Variants in TBC1D10A observed in about 807,000 individuals in gnomAD.
The protein encoded by TBC1D10A is TBC1 domain family member 10A.
Under a neutral mutation model 52.9 loss-of-function variants are expected in TBC1D10A, and 24 were observed. The observed-to-expected ratio is 0.45, with a 90% CI of 0.33 to 0.64. The LOEUF (loss-of-function observed/expected upper bound fraction) is 0.64. Ranked by LOEUF, TBC1D10A falls within the 30% of genes least tolerant of loss-of-function variation. The pLI, the probability that TBC1D10A is intolerant of heterozygous loss-of-function variation, is 0.02. For synonymous variants in TBC1D10A, 278 were observed against 282.9 expected (o/e 0.98, Z 0.17); for missense variants, 602 against 687.9 (o/e 0.88, Z 1.40).
In TBC1D10A at chr22:30,295,820, G is replaced by T; in HGVS notation, c.441C>A (p.Asp147Glu). The T allele has an allele frequency of 6.2e-7, 1 of 1,613,858 alleles. No individual in the cohort carries two copies. Among genetic ancestry groups the T allele is most frequent in the Non-Finnish European group, 8.5e-7 (1 of 1,179,966 alleles). The change falls in exon 4 of 9, where the codon GAC becomes GAA. Residue 147 changes from aspartate to glutamate, a missense_variant. Transcript: ENST00000215790. Reference protein sequence around the residue: ...KFDELDMSPGDPKWLDVIERD... With the variant: ...KFDELDMSPGEPKWLDVIERD... ...GCTCAATCACGTCCAGCCACTTGGG[G>T]TCCCCAGGGGACATGTCCAGCTCCT...
At chr22:30,312,209 G>A (rs1281821837) in intron 1 of TBC1D10A, among the ~76,000 whole-genome samples, 1 of 152,138 alleles carries the variant, frequency 6.6e-6, no homozygotes, top group Admixed American at 6.5e-5. Context: ...CTCACTGCAG[G>A]CACCCAGGGG....
At chr22:30,307,366 C>A (rs1230846705) in intron 1 of TBC1D10A, among the ~76,000 whole-genome samples, 1 of 152,194 alleles carries the variant, frequency 6.6e-6, no homozygotes, top group Non-Finnish European at 1.5e-5. Context: ...TCTTTTGGCT[C>A]AGCCACTGCT....
intron 1 of TBC1D10A, among the ~76,000 whole-genome samples, chr22:30,312,083 G>A (rs1052352918): frequency 2.0e-5 from 3 of 152,220 alleles, no homozygotes. Flanking sequence ...ATTAGTGACT[G>A]AGTGCCGCCT....
intron 1 of TBC1D10A, among the ~76,000 whole-genome samples, chr22:30,319,160 TG>T (rs1326497524): frequency 6.6e-6 from 1 of 152,246 alleles, no homozygotes; most frequent in Non-Finnish European, 1.5e-5. Context: ...TGGACTGCCC[TG>T]CTTTGCCTCT....
intron 1 of TBC1D10A, among the ~76,000 whole-genome samples, chr22:30,324,732 T>C (rs1930730421): frequency 6.6e-6 from 1 of 152,212 alleles, no homozygotes; most frequent in African/African-American, 2.4e-5. Flanking sequence ...TCACGTATCA[T>C]ATACTCATTT....
intron 1 of TBC1D10A, among the ~76,000 whole-genome samples, chr22:30,324,748 C>T (rs1307874573): frequency 6.6e-6 from 1 of 152,150 alleles, no homozygotes; most frequent in African/African-American, 2.4e-5. Flanking sequence ...CATTTAACCC[C>T]CAGAGTAATG....
intron 3 of TBC1D10A, chr22:30,298,071 C>G (rs1223935581): frequency 6.6e-6 from 1 of 152,300 alleles, no homozygotes; most frequent in African/African-American, 2.4e-5. Flanking sequence ...AAGCACAGCT[C>G]TACACACACA....
Position 30,326,722 on chromosome 22 carries a change from G to A in TBC1D10A, c.160C>T (p.Arg54Cys), listed in dbSNP as rs754909230. The A allele has an allele frequency of 1.2e-5, 18 of 1,542,362 alleles. No individual in the cohort carries two copies. Among genetic ancestry groups the A allele is most frequent in the Admixed American group, 7.7e-5 (4 of 52,214 alleles). ...ACGATGAAGCCGAACTTGTCGATGC[G>A]GCGCTCGGCGAAGCCGTTGGCCTCC... ...DSEANGFAER[R>C]IDKFGFIVGS... is the part of the protein sequence containing the mutation. The change falls in exon 1 of 9, where the codon CGC becomes TGC. Residue 54 changes from arginine (R) to cysteine (C), a missense_variant. Coordinates refer to ENST00000215790, the MANE Select transcript of TBC1D10A (RefSeq NM_031937.3).
chr22:30,319,042 C>T lies in TBC1D10A; in HGVS notation c.209+7631G>A, dbSNP rs117762815. On this transcript the variant is annotated intron_variant, in intron 1 of 8. Coordinates refer to ENST00000215790, the MANE Select transcript of TBC1D10A (RefSeq NM_031937.3). ...TTCTACTGCCTCCCGTTCTTCTTGT[C>T]GTATCATCCTACTGCCTCCCGTTCT... 1.6e-4 allele frequency among the ~76,000 whole-genome samples: 24 copies of T among 152,268 alleles called. No homozygotes were observed. The East Asian group carries it at 4.4e-3, about 28-fold the overall frequency.
At chr22:30,293,344 A>C (rs995266195) in intron 8 of TBC1D10A, 2 of 646,890 alleles carry the variant, frequency 3.1e-6, no homozygotes, top group Non-Finnish European at 5.9e-6. Flanking sequence ...TCCATAAAGA[A>C]AGAACAAAGA....
chr22:30,301,835 G>A lies in TBC1D10A; in HGVS notation c.310-2284C>T, dbSNP rs1041557216. Among the ~76,000 whole-genome samples, 3 of 152,228 alleles carry A rather than the reference G, an allele frequency of 2.0e-5. No individual in the cohort carries two copies. In the South Asian group the frequency reaches 6.2e-4, roughly 32 times the overall value. On this transcript the variant is annotated intron_variant, in intron 2 of 8. Coordinates refer to ENST00000215790, the MANE Select transcript of TBC1D10A (RefSeq NM_031937.3). ...GTGCCAAGTGAGAGCTTCTGGGACT[G>A]CCTAGAAAGGAGGCAGAGGAAGGGG...
intron 1 of TBC1D10A, among the ~76,000 whole-genome samples, chr22:30,325,251 G>A (rs531635428): frequency 1.0e-3 from 153 of 152,346 alleles, no homozygotes; most frequent in Non-Finnish European, 1.6e-3. Flanking sequence ...TGGGTGAGAG[G>A]GAACTCCCCT....
At position 30,297,579 on chromosome 22, in the gene TBC1D10A, TGAGG is replaced by T. The variant is rs1930109131; in HGVS notation, c.418-1740_418-1737del. ...ATGGGGCCTGTAGCCTCCACCAGCC[TGAGG>T]GGTACTGGCGCCATCATAAGGTGAA... On this transcript the variant is annotated intron_variant, in intron 3 of 8. Transcript: ENST00000215790. The surrounding 1 kb of genome is among the most constrained non-coding windows in gnomAD (Gnocchi z 4.3). 1 of 152,088 alleles carries T rather than the reference TGAGG, an allele frequency of 6.6e-6. No individual in the cohort carries two copies. Among genetic ancestry groups the T allele is most frequent in the Non-Finnish European group, 1.5e-5 (1 of 68,026 alleles). 9.4% of individuals were successfully genotyped at this position (152,088 alleles called of 1,614,324 possible). A position where few individuals can be genotyped will look rare whatever the true frequency, so the allele number is the denominator to read the frequency against.
At chr22:30,314,408 G>A (rs890635028) in intron 1 of TBC1D10A, among the ~76,000 whole-genome samples, 4 of 152,226 alleles carry the variant, frequency 2.6e-5, no homozygotes, top group African/African-American at 9.6e-5. Flanking sequence ...GGTGATGTAG[G>A]TGAAAGCCTC....
rs538612312 is a variant in TBC1D10A at position 30,294,694 on chromosome 22, G to A, written c.705+102C>T. ...TTCAGCCTCAAGGCAACAGAAGGCC[G>A]GAAAGTTTTTAACCTGGGCAGGAGT... On this transcript the variant is annotated intron_variant, in intron 6 of 8. Transcript: ENST00000215790. 75 of 1,511,196 alleles carry A rather than the reference G, an allele frequency of 5.0e-5. No homozygotes were observed. The East Asian group carries it at 9.2e-4, about 18-fold the overall frequency. 93.6% of individuals were successfully genotyped at this position (1,511,196 alleles called of 1,614,324 possible). A position where few individuals can be genotyped will look rare whatever the true frequency, so the allele number is the denominator to read the frequency against.
intron 1 of TBC1D10A, among the ~76,000 whole-genome samples, chr22:30,320,649 G>A (rs1209342653): frequency 6.6e-6 from 1 of 152,158 alleles, no homozygotes; most frequent in African/African-American, 2.4e-5. Context: ...CATTCCTGCC[G>A]ACAGGGGCTG....
chr22:30,292,879 G>C, intron 8 of TBC1D10A, 28 bp from the exon 9 acceptor site: 9 of 1,608,188 alleles, frequency 5.6e-6, no homozygotes, highest in Non-Finnish European at 7.6e-6. Flanking sequence ...CAGGCAAGTG[G>C]ACACCAAGAA....
At chr22:30,321,456 C>T (rs1274419869) in intron 1 of TBC1D10A, among the ~76,000 whole-genome samples, 2 of 152,260 alleles carry the variant, frequency 1.3e-5, no homozygotes, top group African/African-American at 4.8e-5. Context: ...CCTGACCCCA[C>T]TCCAATAAAA....
chr22:30,292,437 A>T lies in TBC1D10A; in HGVS notation c.1465T>A (p.Ser489Thr). The T allele has an allele frequency of 6.3e-7, 1 of 1,598,940 alleles. No homozygotes were observed. Among genetic ancestry groups the T allele is most frequent in the Non-Finnish European group, 8.5e-7 (1 of 1,171,514 alleles). ...SAPQDLAPQVSAHHRSQESLT... is the reference protein window; with the variant it reads ...SAPQDLAPQVTAHHRSQESLT... ...CTCTCCTGGGAGCGGTGGTGGGCTG[A>T]GACCTGGGGAGCCAAATCCTGAGGG... Residue 489 changes from serine to threonine, a missense_variant, in exon 9 of 9, where the codon TCA becomes ACA. This residue lies in a region of TBC1D10A where 265 missense variants were observed against 275.1 expected (regional missense o/e 0.96). Transcript: ENST00000215790.
Sources: allele counts gnomAD v4.1 joint callset (sites outside exome capture counted in the v4.1 genomes callset), GRCh38; gene constraint gnomAD v4.1.1; regional missense constraint gnomAD v4.1.1; non-coding constraint Gnocchi (gnomAD v3.1); transcripts MANE v1.5; gene names NCBI Gene and HGNC (gene_info 2026-07-23, HGNC 2026-07-21).